WWOX: variants seen among roughly 807,000 people sequenced by gnomAD.
The protein encoded by WWOX is WW domain containing oxidoreductase, also known as WW domain-containing oxidoreductase.
A neutral mutation model predicts 46.2 loss-of-function variants in WWOX; 69 were observed. The ratio of observed to expected loss-of-function variants is 1.49; its 90% CI spans 1.23 to 1.82. WWOX has a LOEUF of 1.82. Ranked by LOEUF, WWOX falls within the 40% of genes most tolerant of loss-of-function variation. The pLI is 0.00. For missense variants in WWOX, 919 were observed against 542.6 expected (o/e 1.69, Z -6.89); for synonymous variants, 359 against 202.6 (o/e 1.77, Z -6.56).
chr16:79,166,423 T>C (rs977484852), intron 8 of WWOX, among the ~76,000 whole-genome samples: 5 of 152,224 alleles, frequency 3.3e-5, no homozygotes, highest in Admixed American at 2.0e-4. Flanking sequence ...TTCATTCCAA[T>C]GATAAATCCT....
intron 8 of WWOX, among the ~76,000 whole-genome samples, chr16:78,483,569 G>A (rs886647367): frequency 3.3e-5 from 5 of 151,982 alleles, no homozygotes; most frequent in South Asian, 2.1e-4. Flanking sequence ...GGTGCTGTAC[G>A]CAGACTCGGA....
intron 8 of WWOX, among the ~76,000 whole-genome samples, chr16:79,042,130 C>A (rs1165129432): frequency 6.6e-6 from 1 of 152,156 alleles, no homozygotes; most frequent in African/African-American, 2.4e-5. Context: ...CCCACGTTCC[C>A]CCGCCTGTCT....
At chr16:78,691,233 T>G (rs1473892201) in intron 8 of WWOX, 1 of 702,182 alleles carries the variant, frequency 1.4e-6, no homozygotes, top group South Asian at 1.5e-5. Context: ...CTCTTGTTTG[T>G]GATTCCAGGT....
chr16:78,723,150 C>T (rs571375576), intron 8 of WWOX, among the ~76,000 whole-genome samples: 2 of 152,172 alleles, frequency 1.3e-5, no homozygotes, highest in Admixed American at 6.5e-5. Flanking sequence ...GCTGGCCTGC[C>T]GCTTGTGTTC....
At chr16:78,999,271 G>C (rs911252899) in intron 8 of WWOX, among the ~76,000 whole-genome samples, 1 of 151,966 alleles carries the variant, frequency 6.6e-6, no homozygotes, top group Non-Finnish European at 1.5e-5. Flanking sequence ...GGGAGTTCGA[G>C]ACCAGCCTGA....
chr16:79,061,073 G>A (rs2048349289), intron 8 of WWOX, among the ~76,000 whole-genome samples: 1 of 152,178 alleles, frequency 6.6e-6, no homozygotes, highest in East Asian at 1.9e-4. Flanking sequence ...GCCTCTCGAA[G>A]GGACGTGCCC....
At chr16:78,334,614 T>G (rs986585697) in intron 5 of WWOX, among the ~76,000 whole-genome samples, 4 of 152,154 alleles carry the variant, frequency 2.6e-5, no homozygotes, top group Admixed American at 6.5e-5. Flanking sequence ...TAGAGTTGTG[T>G]ATTGTTGGGA....
intron 8 of WWOX, among the ~76,000 whole-genome samples, chr16:78,784,176 A>G (rs921228337): frequency 6.6e-6 from 1 of 152,132 alleles, no homozygotes; most frequent in Non-Finnish European, 1.5e-5. Context: ...TTCCCATGTA[A>G]CGTGCACATC....
intron 8 of WWOX, among the ~76,000 whole-genome samples, chr16:78,750,466 C>T (rs1435358800): frequency 1.3e-5 from 2 of 152,078 alleles, no homozygotes; most frequent in Non-Finnish European, 2.9e-5. Context: ...TGTAAGTAAA[C>T]TGGGATTTAT....
At chr16:78,577,846 G>C (rs1387772683) in intron 8 of WWOX, among the ~76,000 whole-genome samples, 1 of 152,078 alleles carries the variant, frequency 6.6e-6, no homozygotes, top group Non-Finnish European at 1.5e-5. Flanking sequence ...CCTTGTTTGG[G>C]CTTGTGCCGT....
At chr16:79,012,632 G>C (rs1308396884) in intron 8 of WWOX, among the ~76,000 whole-genome samples, 1 of 152,218 alleles carries the variant, frequency 6.6e-6, no homozygotes, top group Non-Finnish European at 1.5e-5. Context: ...AAGGCAGAGA[G>C]ATGGCTGTGA....
At chr16:78,840,805 G>GTT (rs1340667611) in intron 8 of WWOX, among the ~76,000 whole-genome samples, 3 of 149,782 alleles carry the variant, frequency 2.0e-5, no homozygotes, top group Non-Finnish European at 4.5e-5. Context: ...CACTTAGTAG[G>GTT]TATATATATT....
At chr16:79,091,117 C>T (rs1016281676) in intron 8 of WWOX, among the ~76,000 whole-genome samples, 6 of 152,114 alleles carry the variant, frequency 3.9e-5, no homozygotes, top group Non-Finnish European at 8.8e-5. Context: ...CCTGATTGAG[C>T]GAGGGAGGCT....
intron 8 of WWOX, among the ~76,000 whole-genome samples, chr16:78,498,108 G>A (rs2084962519): frequency 6.7e-6 from 1 of 150,322 alleles, no homozygotes; most frequent in Admixed American, 6.7e-5. Flanking sequence ...GGGAGGCTGA[G>A]GCAGGAGAAT....
intron 6 of WWOX, among the ~76,000 whole-genome samples, chr16:78,393,449 A>G (rs1243169526): frequency 6.6e-6 from 1 of 152,206 alleles, no homozygotes; most frequent in Non-Finnish European, 1.5e-5. Flanking sequence ...GCTTAAGCCC[A>G]GAAACGTGAG....
intron 8 of WWOX, among the ~76,000 whole-genome samples, chr16:78,892,833 T>C (rs1187897663): frequency 6.6e-6 from 1 of 152,180 alleles, no homozygotes; most frequent in Non-Finnish European, 1.5e-5. Context: ...GCTGATCCAA[T>C]TGGATTAAGG....
At chr16:78,665,966 T>G (rs900273683) in intron 8 of WWOX, among the ~76,000 whole-genome samples, 2 of 151,766 alleles carry the variant, frequency 1.3e-5, no homozygotes, top group Non-Finnish European at 2.9e-5. Context: ...ATTACAGACG[T>G]GAGCCGCTGC....
intron 5 of WWOX, among the ~76,000 whole-genome samples, chr16:78,273,218 T>C (rs1233532720): frequency 6.6e-6 from 1 of 152,184 alleles, no homozygotes; most frequent in Non-Finnish European, 1.5e-5. Flanking sequence ...AGACCTTTAA[T>C]GATATCCTAT....
At chr16:78,596,217 G>T (rs2045485897) in intron 8 of WWOX, among the ~76,000 whole-genome samples, 1 of 152,148 alleles carries the variant, frequency 6.6e-6, no homozygotes, top group Non-Finnish European at 1.5e-5. Context: ...AAGTCACCCT[G>T]TATGGTTGGA....
Sources: gnomAD v4.1 joint callset for allele counts (sites outside exome capture counted in the v4.1 genomes callset) on GRCh38, gnomAD v4.1.1 for gene constraint, MANE v1.5 for transcripts, NCBI Gene and HGNC (gene_info 2026-07-23, HGNC 2026-07-21) for gene names.